Variants in GSTCD observed in about 807,000 individuals in gnomAD.
The protein encoded by GSTCD is glutathione S-transferase C-terminal domain-containing protein.
Under a neutral mutation model 68.3 loss-of-function variants are expected in GSTCD, and 44 were observed. That is an observed-to-expected ratio of 0.64 (90% confidence interval 0.51 to 0.83). GSTCD has a LOEUF of 0.83. Among genes scored for constraint, GSTCD ranks in the 40% least tolerant of loss-of-function variants. GSTCD has a pLI of 0.00. For synonymous variants in GSTCD, 273 were observed against 255.2 expected, an observed-to-expected ratio of 1.07 and a Z score of -0.67; for missense variants, 739 against 735.9, an observed-to-expected ratio of 1.00 and a Z score of -0.05.
chr4:105,737,298 T>G lies in GSTCD; in HGVS notation c.1240+7799T>G, dbSNP rs1281879637. 2.0e-5 allele frequency among the ~76,000 whole-genome samples: 3 copies of G among 152,296 alleles called. No homozygotes were observed. The East Asian group carries it at 5.8e-4, about 29-fold the overall frequency. On this transcript the variant is annotated intron_variant, in intron 5 of 11. Transcript: ENST00000515279. ...TTCTAACTGGGATGAGAAGATATTG[T>G]GCATTTGATTTGCATTTTCCTGATG...
intron 5 of GSTCD, among the ~76,000 whole-genome samples, chr4:105,819,619 A>C (rs143835801): frequency 6.6e-6 from 1 of 151,908 alleles, no homozygotes; most frequent in East Asian, 1.9e-4. Context: ...ATAAATGACC[A>C]TTCATCAGCT....
chr4:105,718,479 T>G (rs985705926), intron 2 of GSTCD, among the ~76,000 whole-genome samples: 1 of 152,196 alleles, frequency 6.6e-6, no homozygotes, highest in Admixed American at 6.6e-5. Flanking sequence ...CCTGAGGTCC[T>G]GATCAGAAGC....
intron 5 of GSTCD, 48 bp from the exon 6 acceptor site, chr4:105,822,906 C>A: frequency 7.1e-7 from 1 of 1,402,630 alleles, no homozygotes; most frequent in Non-Finnish European, 1.0e-6. Context: ...CTTCTTGTTC[C>A]CTCAAAATAT....
chr4:105,841,384 G>A (rs571762660), intron 10 of GSTCD, among the ~76,000 whole-genome samples: 1 of 151,404 alleles, frequency 6.6e-6, no homozygotes, highest in East Asian at 1.9e-4. Flanking sequence ...CCACATTCCA[G>A]AGTTTCAAAT....
intron 5 of GSTCD, among the ~76,000 whole-genome samples, chr4:105,812,160 G>T (rs1016185742): frequency 6.6e-6 from 1 of 152,120 alleles, no homozygotes; most frequent in Non-Finnish European, 1.5e-5. Flanking sequence ...CATCCCACCT[G>T]AGTTTTTCTG....
chr4:105,726,458 A>G, intron 3 of GSTCD, 121 bp from the exon 4 acceptor site: 1 of 650,692 alleles, frequency 1.5e-6, no homozygotes, highest in South Asian at 2.2e-5. Flanking sequence ...TACATTTACT[A>G]CAACTCATTG....
intron 1 of GSTCD, among the ~76,000 whole-genome samples, chr4:105,717,099 T>G (rs11724839): frequency 0.054 from 8,150 of 152,244 alleles, 253 homozygotes; most frequent in Middle Eastern, 0.14. Flanking sequence ...GATTCAGCAC[T>G]CAGCAGCTAT....
rs1724552120 is a variant in GSTCD, at chr4:105,846,506, C to T, written c.*929C>T. 6.6e-6 allele frequency: 1 copy of T among 152,052 alleles called. No individual in the cohort carries two copies. The highest frequency in any genetic ancestry group is 2.4e-5 in the African/African-American group (1 of 41,410). The allele number at this position is 152,052 out of a possible 1,614,324, so 9.4% of individuals were successfully genotyped here. On this transcript the variant is annotated 3_prime_UTR_variant, in exon 12 of 12. Coordinates refer to ENST00000515279, the MANE Select transcript of GSTCD (RefSeq NM_001370181.1). ...TGGACATACATTTTAACAATAAGTACATTGATTAATACATTTAAGTTTATA... is the reference window on the plus strand; with the variant it reads ...TGGACATACATTTTAACAATAAGTATATTGATTAATACATTTAAGTTTATA...
At chr4:105,833,751 A>G (rs1434646849) in intron 8 of GSTCD, among the ~76,000 whole-genome samples, 1 of 152,194 alleles carries the variant, frequency 6.6e-6, no homozygotes, top group Non-Finnish European at 1.5e-5. Flanking sequence ...TATAGTAAGT[A>G]TAGATATACT....
chr4:105,759,196 T>C (rs1408767029), intron 5 of GSTCD, among the ~76,000 whole-genome samples: 1 of 152,196 alleles, frequency 6.6e-6, no homozygotes, highest in African/African-American at 2.4e-5. Context: ...ACATAGAGCC[T>C]GAGCTCTATG....
chr4:105,835,961 T>C (rs1360960272), intron 9 of GSTCD, among the ~76,000 whole-genome samples: 1 of 151,904 alleles, frequency 6.6e-6, no homozygotes, highest in Non-Finnish European at 1.5e-5. Flanking sequence ...GTCATCCCAA[T>C]GTCTACTCAG....
At chr4:105,747,273 C>G (rs1733837916) in intron 5 of GSTCD, among the ~76,000 whole-genome samples, 1 of 152,246 alleles carries the variant, frequency 6.6e-6, no homozygotes, top group Admixed American at 6.5e-5. Context: ...GTAGGCAGGA[C>G]ATGCAGATGC....
At chr4:105,737,458 C>A (rs1419081541) in intron 5 of GSTCD, among the ~76,000 whole-genome samples, 2 of 151,944 alleles carry the variant, frequency 1.3e-5, no homozygotes, top group African/African-American at 2.4e-5. Flanking sequence ...TGATTGTTTC[C>A]TTTGCTGTAT....
intron 4 of GSTCD, 47 bp from the exon 5 acceptor site, chr4:105,729,359 G>A (rs1385197355): frequency 8.5e-7 from 1 of 1,171,292 alleles, no homozygotes; most frequent in East Asian, 2.4e-5. Flanking sequence ...AATATAATAA[G>A]ACTATATTAA....
At chr4:105,831,671 A>T (rs947032011) in intron 8 of GSTCD, among the ~76,000 whole-genome samples, 6 of 152,058 alleles carry the variant, frequency 3.9e-5, no homozygotes, top group African/African-American at 1.4e-4. Context: ...TTTGTTATAT[A>T]TTAAGAATAT....
rs916976502 is a variant in GSTCD, at chr4:105,845,838, G to A, written c.*261G>A. ...CTCAGCTGCCAAAAGAATAATACTA[G>A]TGGAGGTTCCATCACAGGAATAACA... On this transcript the variant is annotated 3_prime_UTR_variant, in exon 12 of 12. Coordinates refer to ENST00000515279, the MANE Select transcript of GSTCD (RefSeq NM_001370181.1). 5 of 406,978 alleles carry A rather than the reference G, an allele frequency of 1.2e-5. No homozygotes were observed. The highest frequency in any genetic ancestry group is 9.9e-5 in the African/African-American group (5 of 50,714). The allele number at this position is 406,978 out of a possible 1,614,324, so 25.2% of individuals were successfully genotyped here. A position where few individuals can be genotyped will look rare whatever the true frequency, so the allele number is the denominator to read the frequency against.
intron 5 of GSTCD, among the ~76,000 whole-genome samples, chr4:105,794,968 G>T (rs999567773): frequency 1.3e-5 from 2 of 151,316 alleles, no homozygotes; most frequent in Non-Finnish European, 2.9e-5. Flanking sequence ...TCCGCCTCCC[G>T]GGTTCAAGTG....
intron 5 of GSTCD, among the ~76,000 whole-genome samples, chr4:105,742,133 T>A (rs1032828090): frequency 1.3e-5 from 2 of 152,088 alleles, no homozygotes; most frequent in Non-Finnish European, 2.9e-5. Flanking sequence ...GTGCATATTA[T>A]AATAACCATT....
intron 5 of GSTCD, among the ~76,000 whole-genome samples, chr4:105,769,233 G>GCACACACACACA (rs57039503): frequency 1.4e-5 from 2 of 146,230 alleles, no homozygotes; most frequent in African/African-American, 5.1e-5. Flanking sequence ...ATACACGCGC[G>GCACACACACACA]CACACACACA....
Sources: gnomAD v4.1 joint callset for allele counts (sites outside exome capture counted in the v4.1 genomes callset) on GRCh38, gnomAD v4.1.1 for gene constraint, MANE v1.5 for transcripts, NCBI Gene and HGNC (gene_info 2026-07-23, HGNC 2026-07-21) for gene names.